The following MAP3K19 variants were observed in gnomAD, a reference collection of about 807,000 sequenced individuals.
MAP3K19 encodes the protein mitogen-activated protein kinase kinase kinase 19.
MAP3K19 carries 91 observed loss-of-function variants against 114.4 expected under a neutral mutation model. The ratio of observed to expected loss-of-function variants is 0.80; its 90% confidence interval spans 0.67 to 0.95. The LOEUF (loss-of-function observed/expected upper bound fraction) is 0.95, where lower values mean the gene tolerates loss of function less well. MAP3K19 is among the 40% of genes least tolerant of loss of function. The pLI, the probability that MAP3K19 is intolerant of heterozygous loss-of-function variation, is 0.00. For missense variants in MAP3K19, 1,471 were observed against 1,573.2 expected, an observed-to-expected ratio of 0.94 and a Z score of 1.10; for synonymous variants, 518 against 530.5, an observed-to-expected ratio of 0.98 and a Z score of 0.32.
At chr2:134,972,629 G>T (rs6741512) in intron 12 of MAP3K19, among the ~76,000 whole-genome samples, 6,812 of 151,722 alleles carry the variant, frequency 0.045, 492 homozygotes, top group African/African-American at 0.16. Flanking sequence ...TTGAGACAAG[G>T]TCTCACATTG....
intron 1 of MAP3K19, among the ~76,000 whole-genome samples, chr2:135,044,767 C>T (rs1688707004): frequency 6.6e-6 from 1 of 152,138 alleles, no homozygotes; most frequent in South Asian, 2.1e-4. Context: ...TATTTTTTCC[C>T]TTCAGCTCTG....
rs774371088 is a variant in MAP3K19, at chr2:134,988,186, T to C, written c.686A>G (p.Lys229Arg). 7 of 1,612,132 alleles carry C rather than the reference T, an allele frequency of 4.3e-6. No homozygotes were observed. Among genetic ancestry groups the C allele is most frequent in the African/African-American group, 1.3e-5 (1 of 74,784 alleles). ...SGVLTIPQNH[K>R]FPKEKERNIP... ...GTTTCTTTCTTTTTCTTTTGGAAACTTGTGATTTTGGGGGATAGTAAGGAC... is the reference window on the plus strand; with the variant it reads ...GTTTCTTTCTTTTTCTTTTGGAAACCTGTGATTTTGGGGGATAGTAAGGAC... The change falls in exon 10 of 13, where the codon AAG (lysine) becomes AGG (arginine). Residue 229 changes from lysine (K) to arginine (R), a missense_variant. By Grantham distance (26) the Lys-to-Arg change is conservative. Transcript: ENST00000392915.
At chr2:134,994,363 C>T (rs1202692268) in intron 8 of MAP3K19, among the ~76,000 whole-genome samples, 6 of 152,142 alleles carry the variant, frequency 3.9e-5, no homozygotes, top group Non-Finnish European at 8.8e-5. Context: ...AAGACTGAAA[C>T]GAGAGGGTGC....
intron 5 of MAP3K19, among the ~76,000 whole-genome samples, chr2:135,013,468 C>A (rs1369306983): frequency 6.6e-6 from 1 of 152,076 alleles, no homozygotes; most frequent in Admixed American, 6.5e-5. Context: ...AAGGTTCACT[C>A]CTGGTGTTGT....
intron 1 of MAP3K19, among the ~76,000 whole-genome samples, chr2:135,041,290 C>T (rs1025566050): frequency 6.6e-6 from 1 of 151,670 alleles, no homozygotes; most frequent in South Asian, 2.1e-4. Context: ...TGAAATATCT[C>T]AAATTGCAAT....
intron 8 of MAP3K19, among the ~76,000 whole-genome samples, chr2:134,996,011 T>C (rs989669950): frequency 1.3e-5 from 2 of 152,116 alleles, no homozygotes; most frequent in Admixed American, 6.5e-5. Context: ...CTAATCATCA[T>C]CCACTGCAGC....
At chr2:134,971,725 G>A (rs947247250) in intron 12 of MAP3K19, among the ~76,000 whole-genome samples, 1 of 151,634 alleles carries the variant, frequency 6.6e-6, no homozygotes, top group African/African-American at 2.4e-5. Flanking sequence ...AATGTTCTCT[G>A]GTGGGTTTTT....
rs1688594137 is a variant in MAP3K19 at position 135,039,112 on chromosome 2, TA to T, written c.-284+1250del. 2.1e-5 allele frequency among the ~76,000 whole-genome samples: 3 copies of T among 143,248 alleles called. No homozygotes were observed. In the South Asian group the frequency reaches 6.9e-4, roughly 33 times the overall value. The allele number at this position is 143,248 out of a possible 152,430, so 94.0% of individuals were successfully genotyped here. ...TTGGGTACACAGGTGCTTGTTTCAT[TA>T]ATTTTCTTTCTTTTTTTTTTTTTTT... On this transcript the variant is annotated intron_variant, in intron 2 of 12. Coordinates refer to ENST00000392915, the MANE Select transcript of MAP3K19 (RefSeq NM_025052.5).
At chr2:135,029,484 G>A (rs954490022) in intron 3 of MAP3K19, among the ~76,000 whole-genome samples, 5 of 152,312 alleles carry the variant, frequency 3.3e-5, no homozygotes, top group Admixed American at 6.5e-5. Context: ...GCCTCAGTTC[G>A]TGATGTCTGG....
intron 5 of MAP3K19, among the ~76,000 whole-genome samples, chr2:135,020,108 C>T (rs989439291): frequency 5.3e-5 from 8 of 152,114 alleles, no homozygotes; most frequent in African/African-American, 1.9e-4. Context: ...ACCTCTGCCT[C>T]CCTGGTTCAA....
At chr2:134,988,382 G>T in intron 9 of MAP3K19, 129 bp from the exon 10 acceptor site, 1 of 774,974 alleles carries the variant, frequency 1.3e-6, no homozygotes, top group Non-Finnish European at 1.9e-6. Context: ...AGCTATCCTG[G>T]AAATCACAAT....
rs559472303 is a variant in MAP3K19, at chr2:135,010,528, G to A, written c.139-4997C>T. 9.1e-4 allele frequency among the ~76,000 whole-genome samples: 138 copies of A among 152,266 alleles called. 1 individual carries two copies. Among genetic ancestry groups the A allele is most frequent in the Middle Eastern group, 3.4e-3 (1 of 292 alleles). ...GACAACACCACGGGAGCTGATAGAT[G>A]GATAAGAAATAGAGCATCGCATTCT... On this transcript the variant is annotated intron_variant, in intron 5 of 12. Transcript: ENST00000392915.
At chr2:135,015,109 C>G (rs1449121906) in intron 5 of MAP3K19, among the ~76,000 whole-genome samples, 1 of 152,210 alleles carries the variant, frequency 6.6e-6, no homozygotes, top group Non-Finnish European at 1.5e-5. Context: ...TTCTCTTTAA[C>G]AGACACCAAA....
intron 12 of MAP3K19, among the ~76,000 whole-genome samples, chr2:134,978,470 G>C (rs1311437963): frequency 6.6e-6 from 1 of 152,016 alleles, no homozygotes; most frequent in African/African-American, 2.4e-5. Context: ...CTAAGTGCTG[G>C]GATTACAGGC....
chr2:135,024,387 C>G (rs1688170304), intron 4 of MAP3K19, among the ~76,000 whole-genome samples: 1 of 152,136 alleles, frequency 6.6e-6, no homozygotes, highest in Admixed American at 6.6e-5. Context: ...CAAGCTCTCT[C>G]TGACTTATGT....
intron 9 of MAP3K19, among the ~76,000 whole-genome samples, chr2:134,990,446 G>T (rs1257545133): frequency 7.0e-6 from 1 of 142,454 alleles, no homozygotes; most frequent in Non-Finnish European, 1.5e-5. Context: ...TCTTCCTTAT[G>T]ATTTTCTTTT....
At chr2:135,000,661 G>A (rs6733547) in intron 6 of MAP3K19, among the ~76,000 whole-genome samples, 2 of 152,078 alleles carry the variant, frequency 1.3e-5, no homozygotes, top group South Asian at 4.1e-4. Flanking sequence ...ACAAGATGCA[G>A]CTGAGGCCCT....
intron 8 of MAP3K19, among the ~76,000 whole-genome samples, chr2:134,992,348 C>A (rs919838592): frequency 6.6e-6 from 1 of 152,112 alleles, no homozygotes; most frequent in Non-Finnish European, 1.5e-5. Context: ...ACCTAGGGAA[C>A]GAGATGGGAC....
At chr2:135,019,492 A>C (rs1687823527) in intron 5 of MAP3K19, among the ~76,000 whole-genome samples, 1 of 151,972 alleles carries the variant, frequency 6.6e-6, no homozygotes, top group African/African-American at 2.4e-5. Context: ...GAGTTCAAAA[A>C]ATTTTTTAAA....
Sources: allele counts gnomAD v4.1 joint callset (sites outside exome capture counted in the v4.1 genomes callset), GRCh38; gene constraint gnomAD v4.1.1; transcripts MANE v1.5; gene names NCBI Gene and HGNC (gene_info 2026-07-23, HGNC 2026-07-21).